SHANK2: variants seen among roughly 807,000 people sequenced by gnomAD.
SHANK2 encodes SH3 and multiple ankyrin repeat domains protein 2.
In SHANK2, 43 loss-of-function variants were observed where a neutral mutation model predicts 133.7. The ratio of observed to expected loss-of-function variants is 0.32; its 90% CI spans 0.25 to 0.41. SHANK2 has a LOEUF of 0.41. Among genes scored for constraint, SHANK2 ranks in the 10% least tolerant of loss-of-function variants. The pLI is 1.00. For synonymous variants in SHANK2, 1,017 were observed against 952.8 expected (o/e 1.07, Z -1.24); for missense variants, 1,994 against 2,235.8 (o/e 0.89, Z 2.18).
At chr11:71,167,536 G>A (rs77644422) in intron 2 of SHANK2, among the ~76,000 whole-genome samples, 20,424 of 122,934 alleles carry the variant, frequency 0.17, 1,579 homozygotes, top group East Asian at 0.29. Flanking sequence ...CTGGCCGGGC[G>A]GGGGGCTGAC....
chr11:70,517,253 T>A (rs955688308), intron 17 of SHANK2, among the ~76,000 whole-genome samples: 38 of 152,110 alleles, frequency 2.5e-4, no homozygotes, highest in African/African-American at 9.2e-4. Flanking sequence ...CCGGAATGCT[T>A]ATCGTTGCTG....
intron 14 of SHANK2, chr11:70,705,499 A>G (rs1020406360): frequency 1.3e-5 from 2 of 152,176 alleles, no homozygotes; most frequent in African/African-American, 4.8e-5. Context: ...GAAAAGGAAA[A>G]AACCACCTAC....
intron 17 of SHANK2, among the ~76,000 whole-genome samples, chr11:70,630,401 G>A (rs926091409): frequency 2.6e-5 from 4 of 152,208 alleles, no homozygotes; most frequent in South Asian, 2.1e-4. Flanking sequence ...AGAGATCTGC[G>A]GACAAAGTGG....
rs1947188916 is a variant in SHANK2, at chr11:70,769,098, G to T, written c.1777+29345C>A. ...AGAGGCTTTATTCCCTGGAACGCAGGGCCTGGCATCCTACTTGTTCTAGTA... is the reference window on the plus strand; with the variant it reads ...AGAGGCTTTATTCCCTGGAACGCAGTGCCTGGCATCCTACTTGTTCTAGTA... On this transcript the variant is annotated intron_variant, in intron 14 of 25. Transcript: ENST00000601538. 3.3e-5 allele frequency among the ~76,000 whole-genome samples: 5 copies of T among 152,248 alleles called. No individual in the cohort carries two copies. The South Asian group carries it at 1.0e-3, about 32-fold the overall frequency.
chr11:71,189,786 A>G (rs782562055), intron 2 of SHANK2, among the ~76,000 whole-genome samples: 22 of 152,240 alleles, frequency 1.4e-4, no homozygotes, highest in Non-Finnish European at 3.1e-4. Flanking sequence ...CCATGTCCAG[A>G]GCTCCCCTCC....
intron 11 of SHANK2, among the ~76,000 whole-genome samples, chr11:70,877,832 C>T (rs139492937): frequency 3.3e-5 from 5 of 152,258 alleles, no homozygotes; most frequent in East Asian, 3.9e-4. Context: ...ATATTCCCTG[C>T]GGAGAAAGTG....
chr11:70,911,227 T>C, intron 10 of SHANK2: 2 of 455,322 alleles, frequency 4.4e-6, no homozygotes, highest in South Asian at 3.1e-5. Context: ...TTGTTCTTTT[T>C]GTTTTGTTTT....
At chr11:70,894,467 G>A (rs370681279) in intron 11 of SHANK2, among the ~76,000 whole-genome samples, 27 of 152,286 alleles carry the variant, frequency 1.8e-4, no homozygotes, top group African/African-American at 5.5e-4. Context: ...GATTACAGGC[G>A]TGAGACACCG....
chr11:70,770,701 C>T (rs1326566458), intron 14 of SHANK2, among the ~76,000 whole-genome samples: 3 of 152,154 alleles, frequency 2.0e-5, no homozygotes, highest in Non-Finnish European at 4.4e-5. Context: ...GAAAGTGACA[C>T]CCATTTCGGT....
chr11:70,867,957 T>A (rs1555069400), intron 11 of SHANK2, among the ~76,000 whole-genome samples: 1 of 152,230 alleles, frequency 6.6e-6, no homozygotes, highest in Non-Finnish European at 1.5e-5. Context: ...TCACTGACTG[T>A]GCCTCCCTCT....
intron 24 of SHANK2, chr11:70,488,907 A>C (rs1166069925): frequency 4.2e-6 from 1 of 238,008 alleles, no homozygotes; most frequent in Non-Finnish European, 8.3e-6. Context: ...GTGACTTTAC[A>C]GACTGTTCAA....
chr11:70,590,431 G>C (rs576396907), intron 17 of SHANK2, among the ~76,000 whole-genome samples: 1 of 152,346 alleles, frequency 6.6e-6, no homozygotes, highest in South Asian at 2.1e-4. Context: ...TCTGCTGTGG[G>C]TAAAATGCTA....
At chr11:70,554,736 C>A (rs2059808165) in intron 17 of SHANK2, among the ~76,000 whole-genome samples, 1 of 152,110 alleles carries the variant, frequency 6.6e-6, no homozygotes, top group Admixed American at 6.5e-5. Flanking sequence ...CACTCCAGTG[C>A]CATACAGAAG....
At chr11:70,854,785 A>C (rs1375240592) in intron 11 of SHANK2, among the ~76,000 whole-genome samples, 2 of 152,200 alleles carry the variant, frequency 1.3e-5, no homozygotes, top group African/African-American at 4.8e-5. Flanking sequence ...CAGGGGGCAA[A>C]GCTGCTGGGG....
intron 3 of SHANK2, among the ~76,000 whole-genome samples, chr11:71,122,184 G>T (rs1368840847): frequency 1.3e-5 from 2 of 152,292 alleles, no homozygotes; most frequent in East Asian, 3.9e-4. Context: ...CCACCATAAA[G>T]ACACATGCAC....
rs1053646285 is a variant in SHANK2 at position 70,877,395 on chromosome 11, G to A, written c.1174+19106C>T. On this transcript the variant is annotated intron_variant, in intron 11 of 25. Transcript: ENST00000601538. Reference sequence around the variant, plus strand: ...GCCACTGGGTCTGCCGGCATACGTCGCCTGACTTTCTGCTGTTCTATTCTT... The same window carrying A: ...GCCACTGGGTCTGCCGGCATACGTCACCTGACTTTCTGCTGTTCTATTCTT... Among the ~76,000 whole-genome samples, 15 of 152,264 alleles carry A rather than the reference G, an allele frequency of 9.9e-5. No individual in the cohort carries two copies. In the East Asian group the frequency reaches 1.7e-3, roughly 18 times the overall value.
intron 8 of SHANK2, among the ~76,000 whole-genome samples, chr11:71,091,006 C>T (rs1951509242): frequency 6.6e-6 from 1 of 152,208 alleles, no homozygotes; most frequent in Non-Finnish European, 1.5e-5. Context: ...TCTTAAAAAA[C>T]ACCTTCTCAG....
chr11:71,086,992 C>A (rs1257658876), intron 8 of SHANK2, among the ~76,000 whole-genome samples: 1 of 152,188 alleles, frequency 6.6e-6, no homozygotes. Flanking sequence ...AGTGAACGCA[C>A]CTGGCTGGCT....
At chr11:71,211,041 T>C (rs2135688432) in intron 2 of SHANK2, among the ~76,000 whole-genome samples, 1 of 151,428 alleles carries the variant, frequency 6.6e-6, no homozygotes, top group East Asian at 2.0e-4. Context: ...TTCAGGGGGG[T>C]CCCCCAGGGC....
Sources: allele counts gnomAD v4.1 joint callset (sites outside exome capture counted in the v4.1 genomes callset), GRCh38; gene constraint gnomAD v4.1.1; transcripts MANE v1.5; gene names NCBI Gene and HGNC (gene_info 2026-07-23, HGNC 2026-07-21).